Variants in TNRC18 observed in about 807,000 individuals in gnomAD.
TNRC18 encodes the protein trinucleotide repeat containing 18.
Under a neutral mutation model 226.7 loss-of-function variants are expected in TNRC18, and 69 were observed. That is an observed-to-expected ratio of 0.30 (90% CI 0.25 to 0.37). The LOEUF is 0.37. Ranked by LOEUF, TNRC18 falls within the 10% of genes least tolerant of loss-of-function variation. The pLI is 1.00. For missense variants in TNRC18, 4,754 were observed against 4,256.6 expected (o/e 1.12, Z -3.25); for synonymous variants, 2,449 against 1,927.6 (o/e 1.27, Z -7.09).
At chr7:5,357,497 C>T (rs1467094567) in intron 15 of TNRC18, among the ~76,000 whole-genome samples, 2 of 152,114 alleles carry the variant, frequency 1.3e-5, no homozygotes, top group Non-Finnish European at 2.9e-5. Context: ...CTGCAACCTC[C>T]ACCTCCCAGG....
At chr7:5,359,657 C>A in intron 14 of TNRC18, 88 bp from the exon 15 acceptor site, 4 of 1,511,400 alleles carry the variant, frequency 2.6e-6, no homozygotes, top group Non-Finnish European at 3.6e-6. Flanking sequence ...AAGGGTTGGG[C>A]TCTGGACCCT....
At chr7:5,345,517 G>GGGGGGGGGGGGGGGCCCCCCCCCCCCCCC in intron 18 of TNRC18, 45 bp downstream of exon 18, 1 of 377,744 alleles carries the variant, frequency 2.6e-6, no homozygotes. Context: ...AATGGCGTCC[G>GGGGGGGGGGGGGGGCCCCCCCCCCCCCCC]CCCCTCCCAC....
chr7:5,384,006 C>T (rs974949269), intron 5 of TNRC18, among the ~76,000 whole-genome samples: 2 of 130,450 alleles, frequency 1.5e-5, no homozygotes, highest in African/African-American at 6.3e-5. Flanking sequence ...GCTCTGTTGC[C>T]CAGGCTGGAG....
chr7:5,389,397 G>T, intron 4 of TNRC18, 61 bp from the exon 5 acceptor site: 1 of 1,221,082 alleles, frequency 8.2e-7, no homozygotes, highest in South Asian at 3.8e-5. Context: ...CCCCTGCCTG[G>T]GCGGAGGCGG....
chr7:5,374,768 C>A (rs1794487894), intron 9 of TNRC18, among the ~76,000 whole-genome samples: 1 of 152,224 alleles, frequency 6.6e-6, no homozygotes, highest in East Asian at 1.9e-4. Flanking sequence ...CCACCAGGAC[C>A]CCGGCCCTGC....
At chr7:5,420,643 C>T (rs762862163) in intron 2 of TNRC18, 1 of 463,636 alleles carries the variant, frequency 2.2e-6, no homozygotes, top group South Asian at 1.5e-5. Context: ...GGAGGGCCCA[C>T]GAGCGCCAAA....
intron 18 of TNRC18, among the ~76,000 whole-genome samples, chr7:5,336,099 T>G (rs1003142736): frequency 1.3e-5 from 2 of 151,376 alleles, no homozygotes; most frequent in African/African-American, 4.9e-5. Flanking sequence ...TCCAGCTACT[T>G]GGGATGCTGA....
Position 5,325,125 on chromosome 7 carries a change from T to G in TNRC18, c.6271A>C (p.Lys2091Gln), listed in dbSNP as rs1788762770. Residue 2091 changes from lysine to glutamine, a missense_variant, in exon 20 of 30, where the codon AAG becomes CAG. Coordinates refer to ENST00000430969, the MANE Select transcript of TNRC18 (RefSeq NM_001080495.3). ...TTCTTCACCTCCTTCCCTTTGGCCT[T>G]GGCTTTGCTCCTTTTGGCAGCGGTC... Reference protein sequence around the residue: ...SLTAAKRSKAKAKGKEVKKEN... With the variant: ...SLTAAKRSKAQAKGKEVKKEN... 14 of 1,550,540 alleles carry G rather than the reference T, an allele frequency of 9.0e-6. No individual in the cohort carries two copies. Among genetic ancestry groups the G allele is most frequent in the Non-Finnish European group, 1.2e-5 (14 of 1,147,278 alleles).
intron 21 of TNRC18, among the ~76,000 whole-genome samples, chr7:5,321,931 C>CA (rs1158286730): frequency 1.3e-5 from 2 of 151,862 alleles, no homozygotes; most frequent in Non-Finnish European, 1.5e-5. Flanking sequence ...CTCAGCCTCC[C>CA]AAGTACTGGG....
intron 24 of TNRC18, among the ~76,000 whole-genome samples, chr7:5,317,554 G>A (rs184129453): frequency 2.0e-5 from 3 of 151,996 alleles, no homozygotes; most frequent in East Asian, 1.9e-4. Context: ...TCACTGCACC[G>A]CACTCTGGCC....
In TNRC18 at chr7:5,307,936, GTGCA is replaced by G. The variant is rs993254414; in HGVS notation, c.*166_*169del. 1.6e-6 allele frequency: 1 copy of G among 632,992 alleles called. No individual in the cohort carries two copies. The highest frequency in any genetic ancestry group is 1.8e-5 in the African/African-American group (1 of 54,418). 39.2% of individuals were successfully genotyped at this position (632,992 alleles called of 1,614,324 possible). On this transcript the variant is annotated 3_prime_UTR_variant, in exon 30 of 30. Coordinates refer to ENST00000430969, the MANE Select transcript of TNRC18 (RefSeq NM_001080495.3). ...GGCATGTGCACATGCGTGCACACAC[GTGCA>G]TGCACACACACTCACCCGGGCATCC...
At chr7:5,342,364 G>A (rs993687057) in intron 18 of TNRC18, among the ~76,000 whole-genome samples, 4 of 151,990 alleles carry the variant, frequency 2.6e-5, no homozygotes, top group Non-Finnish European at 4.4e-5. Context: ...GGGAGGCGGA[G>A]GTTGCAGTGA....
intron 4 of TNRC18, chr7:5,390,226 G>A: frequency 1.9e-6 from 1 of 528,916 alleles, no homozygotes; most frequent in Non-Finnish European, 3.3e-6. Context: ...TCAGCTGGCT[G>A]TGGTGGGGTG....
chr7:5,315,817 GCCCACCCATGGCTT>G, intron 25 of TNRC18, 125 bp downstream of exon 25: 1 of 601,214 alleles, frequency 1.7e-6, no homozygotes, highest in South Asian at 2.4e-5. Context: ...TCTCACGGGA[GCCCACCCATGGCTT>G]CTGCTGCTTC....
intron 3 of TNRC18, among the ~76,000 whole-genome samples, chr7:5,391,862 GT>G (rs34788590): frequency 2.9e-4 from 40 of 138,388 alleles, no homozygotes; most frequent in African/African-American, 6.2e-4. Context: ...AATTTAAATA[GT>G]TTTTTTTTTT....
chr7:5,347,602 C>T (rs1199738825), intron 17 of TNRC18, among the ~76,000 whole-genome samples: 3 of 152,072 alleles, frequency 2.0e-5, no homozygotes, highest in African/African-American at 7.2e-5. Context: ...GAATCCAAGG[C>T]TGCAGTGAGT....
Position 5,377,251 on chromosome 7 carries a change from A to AG in TNRC18, c.2461+119dup, listed in dbSNP as rs1176901363. Reference sequence around the variant, plus strand: ...CATTCCTTCTTCCGACGAATGCGGGAGGCAGGCCCAGGCCCCCCAGGAAAC... The same window carrying AG: ...CATTCCTTCTTCCGACGAATGCGGGAGGGCAGGCCCAGGCCCCCCAGGAAAC... On this transcript the variant is annotated intron_variant, in intron 7 of 29. Coordinates refer to ENST00000430969, the MANE Select transcript of TNRC18 (RefSeq NM_001080495.3). This position sits in a 1 kb window ranked among gnomAD's most constrained non-coding sequence, Gnocchi z 5.8. The AG allele has an allele frequency of 8.6e-7, 1 of 1,167,646 alleles. No homozygotes were observed. Among genetic ancestry groups the AG allele is most frequent in the African/African-American group, 1.6e-5 (1 of 64,212 alleles). The allele number at this position is 1,167,646 out of a possible 1,614,324, so 72.3% of individuals were successfully genotyped here. A position where few individuals can be genotyped will look rare whatever the true frequency, so the allele number is the denominator to read the frequency against.
intron 18 of TNRC18, among the ~76,000 whole-genome samples, chr7:5,345,060 T>C: frequency 6.6e-6 from 1 of 152,150 alleles, no homozygotes; most frequent in East Asian, 1.9e-4. Flanking sequence ...ATGAGGCCTG[T>C]CCCACCCGTT....
Position 5,332,813 on chromosome 7 carries a change from G to T in TNRC18, c.5956C>A (p.Pro1986Thr). Residue 1986 changes from proline (P) to threonine (T), a missense_variant, in exon 19 of 30, where the codon CCC (proline) becomes ACC (threonine). Physicochemically the swap from Pro to Thr is conservative, Grantham distance 38. Transcript: ENST00000430969. Reference protein sequence around the residue: ...GPKEPGFEAGPEASDDDLWTR... With the variant: ...GPKEPGFEAGTEASDDDLWTR... The stretch of plus-strand genomic sequence containing the variant: ...CACAGGTCGTCGTCGCTGGCCTCGG[G>T]CCCCGCCTCGAAGCCAGGCTCCTTG... 1.3e-6 allele frequency: 2 copies of T among 1,508,862 alleles called. No homozygotes were observed. The highest frequency in any genetic ancestry group is 2.2e-5 in the Admixed American group (1 of 46,136). The allele number at this position is 1,508,862 out of a possible 1,614,324, so 93.5% of individuals were successfully genotyped here. A position where few individuals can be genotyped will look rare whatever the true frequency, so the allele number is the denominator to read the frequency against.
Sources: gnomAD v4.1 joint callset for allele counts (sites outside exome capture counted in the v4.1 genomes callset) on GRCh38, gnomAD v4.1.1 for gene constraint, Gnocchi (gnomAD v3.1) non-coding constraint, MANE v1.5 for transcripts, NCBI Gene and HGNC (gene_info 2026-07-23, HGNC 2026-07-21) for gene names.